UVSSA: variants seen among roughly 807,000 people sequenced by gnomAD.
UVSSA encodes UV-stimulated scaffold protein A.
Under a neutral mutation model 73.9 loss-of-function variants are expected in UVSSA, and 72 were observed. The ratio of observed to expected loss-of-function variants is 0.97; its 90% CI spans 0.81 to 1.19. The LOEUF (loss-of-function observed/expected upper bound fraction) is 1.19, where lower values mean the gene tolerates loss of function less well. UVSSA is among the 50% of genes most tolerant of loss of function. The pLI is 0.00. For synonymous variants in UVSSA, 454 were observed against 391.3 expected (o/e 1.16, Z -1.89); for missense variants, 1,150 against 965.0 (o/e 1.19, Z -2.54).
Position 1,348,166 on chromosome 4 carries a change from G to A in UVSSA, c.75G>A (p.Met25Ile), listed in dbSNP as rs1714015316. 2.5e-6 allele frequency: 4 copies of A among 1,613,812 alleles called. No individual in the cohort carries two copies. The highest frequency in any genetic ancestry group is 3.4e-6 in the Non-Finnish European group (4 of 1,179,946). ...SGEPRLNPEKMKELKKICKSS... is the reference protein window; with the variant it reads ...SGEPRLNPEKIKELKKICKSS... ...AACCCCGACTAAATCCTGAGAAAAT[G>A]AAGGAACTGAAGAAAATTTGCAAGT... The change falls in exon 2 of 14, where the codon ATG becomes ATA. Residue 25 changes from methionine to isoleucine, a missense_variant. Transcript: ENST00000389851.
chr4:1,395,972 T>A, exon 14 of UVSSA: 1 of 1,466,430 alleles, frequency 6.8e-7, no homozygotes, highest in Non-Finnish European at 9.1e-7. Flanking sequence ...GGATGCTGAT[T>A]AAAAGACAAA....
At position 1,366,415 on chromosome 4, in the gene UVSSA, C is replaced by T; in HGVS notation, c.1272C>T (p.His424=). The T allele has an allele frequency of 1.9e-6, 3 of 1,611,634 alleles. No homozygotes were observed. The highest frequency in any genetic ancestry group is 2.5e-6 in the Non-Finnish European group (3 of 1,178,874). The part of the protein sequence containing the change: ...KEGYEPHIPD[H]LRPEYGLEAA... ...GGTATGAGCCACACATCCCCGACCA[C>T]TTGCGGCCTGAGTATGGTGAGCAGT... Residue 424 remains histidine (H), a synonymous_variant, in exon 8 of 14, where the codon CAC becomes CAT. Transcript: ENST00000389851.
intron 13 of UVSSA, 70 bp from the exon 14 acceptor site, chr4:1,385,782 GTGCCTAACTTTGGTGA>G: frequency 7.1e-6 from 10 of 1,415,870 alleles, no homozygotes; most frequent in Non-Finnish European, 1.0e-5. Flanking sequence ...CCCAGGACCA[GTGCCTAACTTTGGTGA>G]TGCCGCCACT....
intron 7 of UVSSA, among the ~76,000 whole-genome samples, chr4:1,365,591 C>T (rs1366244189): frequency 3.3e-5 from 5 of 152,232 alleles, no homozygotes; most frequent in African/African-American, 1.2e-4. Context: ...CCACACCTAC[C>T]CTGGCAGAGA....
chr4:1,383,176 G>A (rs1010316507), intron 12 of UVSSA, among the ~76,000 whole-genome samples: 1 of 152,218 alleles, frequency 6.6e-6, no homozygotes, highest in Non-Finnish European at 1.5e-5. Flanking sequence ...TGCTTGGGAA[G>A]GGCAGTTCTG....
At chr4:1,360,434 C>T (rs974812094) in intron 7 of UVSSA, among the ~76,000 whole-genome samples, 2 of 152,218 alleles carry the variant, frequency 1.3e-5, no homozygotes, top group Non-Finnish European at 2.9e-5. Flanking sequence ...TGGGGTCGAT[C>T]GGTTTTCCAC....
intron 7 of UVSSA, chr4:1,359,422 C>G (rs1716294193): frequency 6.6e-6 from 1 of 152,244 alleles, no homozygotes. Flanking sequence ...TGGAAACTTT[C>G]ACGTTGCCTG....
chr4:1,376,057 C>T lies in UVSSA; in HGVS notation c.1457C>T (p.Pro486Leu), dbSNP rs778146926. 11 of 1,599,654 alleles carry T rather than the reference C, an allele frequency of 6.9e-6. No individual in the cohort carries two copies. The highest frequency in any genetic ancestry group is 8.5e-6 in the Non-Finnish European group (10 of 1,174,148). The stretch of plus-strand genomic sequence containing the variant: ...AGCCCCTCCAGAGCGTTGCCAGAGC[C>T]ACAGGAGGCCCAGAAGCTGGCAGCA... The part of the protein sequence containing the change: ...SASPSRALPE[P>L]QEAQKLAAER... Residue 486 changes from proline (P) to leucine (L), a missense_variant, in exon 10 of 14, where the codon CCA becomes CTA. Pro to Leu is a moderately conservative substitution (Grantham distance 98, BLOSUM62 -3). Transcript: ENST00000389851.
intron 8 of UVSSA, 64 bp downstream of exon 8, chr4:1,366,495 CT>C: frequency 2.3e-6 from 3 of 1,310,580 alleles, no homozygotes; most frequent in Non-Finnish European, 3.2e-6. Context: ...GATGTGGCCC[CT>C]TGGGGTCATG....
intron 10 of UVSSA, among the ~76,000 whole-genome samples, chr4:1,379,710 G>T (rs1315445805): frequency 6.6e-6 from 1 of 151,858 alleles, no homozygotes; most frequent in Non-Finnish European, 1.5e-5. Flanking sequence ...TATAGGGAGA[G>T]CCCATCTTGC....
rs778278887 is a variant in UVSSA, at chr4:1,349,530, A to G, written c.105A>G (p.Ser35=). Residue 35 remains serine (S), a synonymous_variant, in exon 3 of 14, where the codon TCA becomes TCG. Coordinates refer to ENST00000389851, the MANE Select transcript of UVSSA (RefSeq NM_020894.4). ...GGCCAGCTCGCATCCCCAGGTCTTC[A>G]GAGGAGCAGCTGAGCCGCGCCTACC... ...MKELKKICKS[S]EEQLSRAYRL... 1 of 1,612,444 alleles carries G rather than the reference A, an allele frequency of 6.2e-7. No homozygotes were observed. Among genetic ancestry groups the G allele is most frequent in the Non-Finnish European group, 8.5e-7 (1 of 1,179,304 alleles).
At chr4:1,345,883 ACCACGCTG>A, upstream of UVSSA, among the ~76,000 whole-genome samples, 1 of 152,274 alleles carries the variant, frequency 6.6e-6, no homozygotes, top group Admixed American at 6.5e-5. Flanking sequence ...AACAAAAAAA[ACCACGCTG>A]TAGAAGACAG....
intron 11 of UVSSA, among the ~76,000 whole-genome samples, 181 bp downstream of exon 11, chr4:1,380,411 G>A (rs974439991): frequency 1.3e-5 from 2 of 152,228 alleles, no homozygotes; most frequent in Non-Finnish European, 2.9e-5. Context: ...TCAGAGCATG[G>A]TGTCTGGGGC....
chr4:1,358,278 G>A lies in UVSSA; in HGVS notation c.1176+3033G>A, dbSNP rs551073453. Among the ~76,000 whole-genome samples the A allele has an allele frequency of 1.1e-4, 16 of 152,348 alleles. No individual in the cohort carries two copies. The South Asian group carries it at 1.4e-3, about 14-fold the overall frequency. On this transcript the variant is annotated intron_variant, in intron 7 of 13. Coordinates refer to ENST00000389851, the MANE Select transcript of UVSSA (RefSeq NM_020894.4). Reference sequence around the variant, plus strand: ...GCTTGGAGGGCCCCTCGTCCCCTTCGACCACATGGTCTGGCCAGCAGATGT... The same window carrying A: ...GCTTGGAGGGCCCCTCGTCCCCTTCAACCACATGGTCTGGCCAGCAGATGT...
chr4:1,356,285 G>T (rs573526117), intron 7 of UVSSA, among the ~76,000 whole-genome samples: 11 of 152,224 alleles, frequency 7.2e-5, no homozygotes, highest in South Asian at 4.1e-4. Context: ...TGGAAGTTGG[G>T]GGGTGGGGAA....
chr4:1,356,777 A>G (rs1326825617), intron 7 of UVSSA: 1 of 152,346 alleles, frequency 6.6e-6, no homozygotes, highest in Non-Finnish European at 1.5e-5. Flanking sequence ...CCTGTGGCTC[A>G]CATTGAGGCC....
intron 5 of UVSSA, 134 bp downstream of exon 5, chr4:1,353,547 C>G: frequency 8.1e-7 from 1 of 1,232,056 alleles, no homozygotes; most frequent in East Asian, 2.6e-5. Context: ...GGGGTCACCA[C>G]CAGGTTTTTC....
intron 7 of UVSSA, among the ~76,000 whole-genome samples, chr4:1,360,680 G>T (rs1189987123): frequency 1.3e-5 from 2 of 152,126 alleles, no homozygotes; most frequent in East Asian, 3.9e-4. Flanking sequence ...GCCCCCGTGA[G>T]CCGAGTGTGT....
chr4:1,389,911 A>G (rs1484639210), downstream of UVSSA: 1 of 152,032 alleles, frequency 6.6e-6, no homozygotes, highest in Non-Finnish European at 1.5e-5. Flanking sequence ...AATTTTGTTG[A>G]TCTATTTAAA....
Sources: allele counts gnomAD v4.1 joint callset (sites outside exome capture counted in the v4.1 genomes callset), GRCh38; gene constraint gnomAD v4.1.1; transcripts MANE v1.5; gene names NCBI Gene and HGNC (gene_info 2026-07-23, HGNC 2026-07-21).